The following SEL1L3 variants were observed in gnomAD, a reference collection of about 807,000 sequenced individuals.
The protein encoded by SEL1L3 is SEL1L family member 3.
In SEL1L3, 76 loss-of-function variants were observed where a neutral mutation model predicts 142.8. The ratio of observed to expected loss-of-function variants is 0.53; its 90% CI spans 0.44 to 0.64. The LOEUF (loss-of-function observed/expected upper bound fraction) is 0.64. Among genes scored for constraint, SEL1L3 ranks in the 30% least tolerant of loss-of-function variants. The probability of loss-of-function intolerance (pLI) is 0.00; values close to 1 mark genes in which losing one functional copy is unlikely to be tolerated. For missense variants in SEL1L3, 1,262 were observed against 1,381.7 expected, an observed-to-expected ratio of 0.91 and a Z score of 1.37; for synonymous variants, 504 against 519.6, an observed-to-expected ratio of 0.97 and a Z score of 0.41.
chr4:25,766,146 G>A (rs150802491), intron 19 of SEL1L3, among the ~76,000 whole-genome samples: 36 of 152,264 alleles, frequency 2.4e-4, no homozygotes, highest in African/African-American at 8.2e-4. Context: ...GTGTTTAAGA[G>A]TATATGTATC....
At chr4:25,739,739 T>G in the SEL1L3 span, among the ~76,000 whole-genome samples, 1 of 149,640 alleles carries the variant, frequency 6.7e-6, no homozygotes, top group Non-Finnish European at 1.5e-5. Flanking sequence ...AACCCATGTG[T>G]GTATTCTGAA....
intron 6 of SEL1L3, among the ~76,000 whole-genome samples, chr4:25,828,392 T>TA (rs890407592): frequency 6.7e-6 from 1 of 150,038 alleles, no homozygotes; most frequent in African/African-American, 2.4e-5. Flanking sequence ...ATCTTTTCGT[T>TA]TTTTTTTTTT....
In SEL1L3 at chr4:25,819,934, T is replaced by C. The variant is rs1172295495; in HGVS notation, c.1297A>G (p.Asn433Asp). Residue 433 changes from asparagine to aspartate, a missense_variant, in exon 8 of 24, where the codon AAT (asparagine) becomes GAT (aspartate). By Grantham distance (23) the Asn-to-Asp change is conservative. Coordinates refer to ENST00000399878, the MANE Select transcript of SEL1L3 (RefSeq NM_015187.5). ...LRSLHPAQIFNPLLEKQLAEQ... is the reference protein window; with the variant it reads ...LRSLHPAQIFDPLLEKQLAEQ... ...GCAAGTTGCTTCTCAAGGAGGGGAT[T>C]AAAAATCTACAAGAAGGCAAGAAAG... The C allele has an allele frequency of 2.7e-5, 44 of 1,610,302 alleles. No individual in the cohort carries two copies. Among genetic ancestry groups the C allele is most frequent in the Non-Finnish European group, 3.6e-5 (42 of 1,178,266 alleles).
chr4:25,839,451 T>C (rs1175893270), intron 2 of SEL1L3, among the ~76,000 whole-genome samples: 1 of 152,158 alleles, frequency 6.6e-6, no homozygotes. Flanking sequence ...CAGCAAAAGA[T>C]AGGTTAAATA....
intron 23 of SEL1L3, chr4:25,756,681 C>T: frequency 1.8e-6 from 2 of 1,088,696 alleles, no homozygotes; most frequent in Non-Finnish European, 2.3e-6. Flanking sequence ...CTATTCTATA[C>T]TGGCTCAGAA....
chr4:25,850,880 T>C (rs1384028075), intron 1 of SEL1L3, among the ~76,000 whole-genome samples: 2 of 151,812 alleles, frequency 1.3e-5, no homozygotes. Flanking sequence ...AGTTGGAGTC[T>C]CACTCTGTCA....
At chr4:25,747,285 T>C (rs537980330), downstream of SEL1L3, 4 of 152,176 alleles carry the variant, frequency 2.6e-5, no homozygotes, top group South Asian at 8.3e-4. Flanking sequence ...CACCTTCCTA[T>C]CCACAAATAT....
intron 5 of SEL1L3, among the ~76,000 whole-genome samples, chr4:25,831,611 C>T (rs897983273): frequency 9.3e-5 from 14 of 151,090 alleles, no homozygotes; most frequent in South Asian, 2.1e-4. Flanking sequence ...CTGCAACCTC[C>T]GCCTCCCGGA....
intron 20 of SEL1L3, among the ~76,000 whole-genome samples, chr4:25,760,586 T>C (rs1343714224): frequency 6.6e-6 from 1 of 152,202 alleles, no homozygotes; most frequent in Non-Finnish European, 1.5e-5. Flanking sequence ...ATAATAACCA[T>C]TCTGACTGGT....
chr4:25,821,793 T>C (rs1311030825), intron 7 of SEL1L3, among the ~76,000 whole-genome samples: 8 of 152,240 alleles, frequency 5.3e-5, no homozygotes, highest in Non-Finnish European at 8.8e-5. Flanking sequence ...GGTTTCCATT[T>C]TATGAGTACT....
chr4:25,714,537 TTTCTTTCTTTCTTTC>T, the SEL1L3 span, among the ~76,000 whole-genome samples: 254 of 101,634 alleles, frequency 2.5e-3, no homozygotes, highest in Non-Finnish European at 2.7e-3. Flanking sequence ...TCTTTCTTTC[TTTCTTTCTTTCTTTC>T]TTCTTTCTTT....
At chr4:25,789,776 T>C (rs1216091006) in intron 12 of SEL1L3, among the ~76,000 whole-genome samples, 1 of 152,072 alleles carries the variant, frequency 6.6e-6, no homozygotes, top group Non-Finnish European at 1.5e-5. Context: ...GGAGGCTTCC[T>C]CCTGGTGCAA....
At chr4:25,803,267 T>C (rs1713315995) in intron 10 of SEL1L3, among the ~76,000 whole-genome samples, 1 of 152,216 alleles carries the variant, frequency 6.6e-6, no homozygotes, top group African/African-American at 2.4e-5. Context: ...GTGGCAGAGA[T>C]GGGACTAGGC....
At chr4:25,855,533 A>G (rs1717197833) in intron 1 of SEL1L3, among the ~76,000 whole-genome samples, 1 of 152,178 alleles carries the variant, frequency 6.6e-6, no homozygotes, top group African/African-American at 2.4e-5. Context: ...AGGCGGGTGG[A>G]TCACCTGAGG....
At chr4:25,851,869 C>CA (rs1221990307) in intron 1 of SEL1L3, among the ~76,000 whole-genome samples, 2 of 125,204 alleles carry the variant, frequency 1.6e-5, no homozygotes, top group African/African-American at 6.5e-5. Flanking sequence ...AGCCTGGCGA[C>CA]AGAGTGAGAC....
At chr4:25,859,737 T>C (rs6842695) in intron 1 of SEL1L3, among the ~76,000 whole-genome samples, 43,743 of 152,160 alleles carry the variant, frequency 0.29, 11,237 homozygotes, top group African/African-American at 0.69. Flanking sequence ...TGCTAAACTC[T>C]ACCAGCTGCC....
intron 15 of SEL1L3, among the ~76,000 whole-genome samples, chr4:25,780,798 A>ATATATATAAATAATATATATATATTT (rs1157752217): frequency 3.6e-5 from 5 of 138,542 alleles, no homozygotes; most frequent in Non-Finnish European, 7.6e-5. Flanking sequence ...CATAAATAAA[A>ATATATATAAATAATATATATATATTT]TATATATAAA....
chr4:25,800,777 A>T (rs920507710), intron 11 of SEL1L3, among the ~76,000 whole-genome samples: 2 of 152,214 alleles, frequency 1.3e-5, no homozygotes, highest in African/African-American at 4.8e-5. Flanking sequence ...GTTCAGAAGG[A>T]ATCATTATTT....
intron 8 of SEL1L3, among the ~76,000 whole-genome samples, chr4:25,819,237 G>T (rs1175253661): frequency 6.6e-6 from 1 of 152,242 alleles, no homozygotes; most frequent in Non-Finnish European, 1.5e-5. Context: ...GTAAAAGGAT[G>T]TCTGTGCAAA....
Sources: allele counts gnomAD v4.1 joint callset (sites outside exome capture counted in the v4.1 genomes callset), GRCh38; gene constraint gnomAD v4.1.1; transcripts MANE v1.5; gene names NCBI Gene and HGNC (gene_info 2026-07-23, HGNC 2026-07-21).